The following CNTNAP2 variants were observed in gnomAD, a reference collection of about 807,000 sequenced individuals.
The protein encoded by CNTNAP2 is contactin-associated protein-like 2.
In CNTNAP2, 98 loss-of-function variants were observed where a neutral mutation model predicts 155.2. The observed-to-expected ratio is 0.63, with a 90% CI of 0.54 to 0.75. The LOEUF (loss-of-function observed/expected upper bound fraction) is 0.75, where lower values mean the gene tolerates loss of function less well. Ranked by LOEUF, CNTNAP2 falls within the 30% of genes least tolerant of loss-of-function variation. The pLI, the probability that CNTNAP2 is intolerant of heterozygous loss-of-function variation, is 0.00. For missense variants in CNTNAP2, 1,727 were observed against 1,688.1 expected (o/e 1.02, Z -0.40); for synonymous variants, 651 against 631.2 (o/e 1.03, Z -0.47).
At chr7:146,690,362 A>G (rs1563190080) in intron 1 of CNTNAP2, among the ~76,000 whole-genome samples, 1 of 152,170 alleles carries the variant, frequency 6.6e-6, no homozygotes, top group Non-Finnish European at 1.5e-5. Context: ...TATAATTTGT[A>G]TAATTCAGTT....
At chr7:148,343,458 C>CT (rs746419686) in intron 21 of CNTNAP2, among the ~76,000 whole-genome samples, 18 of 152,214 alleles carry the variant, frequency 1.2e-4, no homozygotes, top group Non-Finnish European at 2.4e-4. Context: ...TCTTTCCATC[C>CT]TTTCCCTTGT....
chr7:147,794,075 A>T (rs1373253980), intron 13 of CNTNAP2, among the ~76,000 whole-genome samples: 2 of 151,898 alleles, frequency 1.3e-5, no homozygotes, highest in East Asian at 3.9e-4. Flanking sequence ...ATGATGTTTT[A>T]TATACAAGAT....
Position 147,320,861 on chromosome 7 carries a change from C to A in CNTNAP2, c.1498+20571C>A, listed in dbSNP as rs1000876980. ...ATTCTGCTTTTTCCTGTCTAGTGGG[C>A]TGCATGCTTTCATAACTGACCTCCT... On this transcript the variant is annotated intron_variant, in intron 9 of 23. Transcript: ENST00000361727. Among the ~76,000 whole-genome samples the A allele has an allele frequency of 2.0e-5, 3 of 152,160 alleles. No homozygotes were observed. In the South Asian group the frequency reaches 6.2e-4, roughly 32 times the overall value.
chr7:147,999,345 G>C (rs1801860131), intron 15 of CNTNAP2, among the ~76,000 whole-genome samples: 1 of 152,130 alleles, frequency 6.6e-6, no homozygotes, highest in African/African-American at 2.4e-5. Context: ...CAAAGTGCTA[G>C]GATTACAGGC....
intron 3 of CNTNAP2, among the ~76,000 whole-genome samples, chr7:147,040,372 A>T (rs1799235845): frequency 2.0e-5 from 3 of 151,146 alleles, no homozygotes; most frequent in Non-Finnish European, 4.4e-5. Flanking sequence ...GCTAAAACTG[A>T]GTCTCATTGA....
intron 1 of CNTNAP2, among the ~76,000 whole-genome samples, chr7:146,227,890 A>G (rs1799321985): frequency 6.6e-6 from 1 of 152,232 alleles, no homozygotes; most frequent in Non-Finnish European, 1.5e-5. Flanking sequence ...CTGTGGGAAC[A>G]TTCGGTCTCA....
chr7:146,323,307 A>C (rs1178267456), intron 1 of CNTNAP2, among the ~76,000 whole-genome samples: 1 of 151,916 alleles, frequency 6.6e-6, no homozygotes, highest in Non-Finnish European at 1.5e-5. Context: ...CTAGTACTTG[A>C]AATTGTAATT....
chr7:148,221,713 T>C (rs1243899419), intron 19 of CNTNAP2, among the ~76,000 whole-genome samples: 1 of 152,188 alleles, frequency 6.6e-6, no homozygotes, highest in Non-Finnish European at 1.5e-5. Context: ...TATCGAAAGC[T>C]CTGCTCACTG....
chr7:146,589,475 C>A (rs1311515678), intron 1 of CNTNAP2, among the ~76,000 whole-genome samples: 2 of 152,108 alleles, frequency 1.3e-5, no homozygotes, highest in Non-Finnish European at 2.9e-5. Context: ...TGCAAACTAT[C>A]ATTCTCAGCA....
intron 15 of CNTNAP2, among the ~76,000 whole-genome samples, chr7:148,100,069 A>G (rs1000153145): frequency 1.1e-4 from 17 of 151,522 alleles, no homozygotes; most frequent in African/African-American, 3.9e-4. Flanking sequence ...ACGGGGTTTC[A>G]CCATCTTGGC....
intron 3 of CNTNAP2, among the ~76,000 whole-genome samples, chr7:146,848,544 G>T (rs1794805457): frequency 6.6e-6 from 1 of 152,046 alleles, no homozygotes; most frequent in South Asian, 2.1e-4. Context: ...GTTGTTTTGG[G>T]AACACTAGGA....
chr7:147,348,732 T>C (rs1387569027), intron 9 of CNTNAP2, among the ~76,000 whole-genome samples: 2 of 152,012 alleles, frequency 1.3e-5, no homozygotes, highest in African/African-American at 2.4e-5. Flanking sequence ...AACCAAGACA[T>C]GGAATCAACC....
At chr7:147,921,839 C>T (rs939991582) in intron 14 of CNTNAP2, among the ~76,000 whole-genome samples, 1 of 152,110 alleles carries the variant, frequency 6.6e-6, no homozygotes, top group Non-Finnish European at 1.5e-5. Context: ...CAGATCTATT[C>T]AACAAACATG....
At chr7:148,200,408 T>TTA (rs929489821) in intron 18 of CNTNAP2, among the ~76,000 whole-genome samples, 8 of 140,780 alleles carry the variant, frequency 5.7e-5, no homozygotes, top group Non-Finnish European at 1.1e-4. Context: ...TTTCTCTCTC[T>TTA]TTTTTTTTTT....
intron 13 of CNTNAP2, among the ~76,000 whole-genome samples, chr7:147,657,416 A>G (rs1795541849): frequency 6.6e-6 from 1 of 152,224 alleles, no homozygotes; most frequent in Non-Finnish European, 1.5e-5. Flanking sequence ...TATGGGAGAT[A>G]AAGATCTAAG....
At chr7:147,535,164 G>A (rs1190187552) in intron 11 of CNTNAP2, among the ~76,000 whole-genome samples, 1 of 152,112 alleles carries the variant, frequency 6.6e-6, no homozygotes, top group Non-Finnish European at 1.5e-5. Context: ...AGGCCGAGGC[G>A]GATGGATCAC....
intron 2 of CNTNAP2, among the ~76,000 whole-genome samples, chr7:146,788,813 C>T (rs1477138600): frequency 2.0e-5 from 3 of 152,056 alleles, no homozygotes; most frequent in South Asian, 2.1e-4. Flanking sequence ...CATTTCAAGA[C>T]ATCCACGTGT....
intron 14 of CNTNAP2, among the ~76,000 whole-genome samples, chr7:147,934,285 G>T (rs191834718): frequency 2.0e-4 from 31 of 152,266 alleles, no homozygotes; most frequent in Middle Eastern, 3.4e-3. Flanking sequence ...GTTTAATTGG[G>T]CTTACAGTTC....
chr7:148,317,886 G>A (rs1330586945), intron 21 of CNTNAP2, among the ~76,000 whole-genome samples: 5 of 151,986 alleles, frequency 3.3e-5, no homozygotes, highest in Non-Finnish European at 7.4e-5. Flanking sequence ...GTAGAGACGG[G>A]GATTCACCAT....
Sources: allele counts gnomAD v4.1 joint callset (sites outside exome capture counted in the v4.1 genomes callset), GRCh38; gene constraint gnomAD v4.1.1; transcripts MANE v1.5; gene names NCBI Gene and HGNC (gene_info 2026-07-23, HGNC 2026-07-21).